NOL4: variants seen among roughly 807,000 people sequenced by gnomAD.
NOL4 encodes nucleolar protein 4.
NOL4 carries 17 observed loss-of-function variants against 75.9 expected under a neutral mutation model. That is an observed-to-expected ratio of 0.22 (90% confidence interval 0.15 to 0.34). The LOEUF is 0.34. Among genes scored for constraint, NOL4 ranks in the 10% least tolerant of loss-of-function variants. The pLI is 1.00. For missense variants in NOL4, 614 were observed against 793.5 expected (o/e 0.77, Z 2.72); for synonymous variants, 292 against 289.9 (o/e 1.01, Z -0.07).
chr18:33,951,771 G>A (rs1600015490), intron 8 of NOL4, among the ~76,000 whole-genome samples: 1 of 151,940 alleles, frequency 6.6e-6, no homozygotes, highest in Non-Finnish European at 1.5e-5. Context: ...TATAATGTCT[G>A]TCATTTTTAT....
chr18:34,196,339 G>A (rs553155368), intron 1 of NOL4, among the ~76,000 whole-genome samples: 1 of 152,230 alleles, frequency 6.6e-6, no homozygotes, highest in Admixed American at 6.5e-5. Flanking sequence ...GGTAACTGCT[G>A]ACAACATTAT....
At chr18:34,142,524 CT>C (rs2081214692) in intron 1 of NOL4, among the ~76,000 whole-genome samples, 1 of 152,144 alleles carries the variant, frequency 6.6e-6, no homozygotes, top group East Asian at 1.9e-4. Flanking sequence ...AGTTCATGTC[CT>C]TTGTAGGGAC....
chr18:34,087,993 CT>C (rs898145453), intron 5 of NOL4, among the ~76,000 whole-genome samples: 133 of 151,586 alleles, frequency 8.8e-4, no homozygotes, highest in Admixed American at 3.9e-3. Flanking sequence ...TTCCTATTAT[CT>C]TTTTTTAAAA....
chr18:33,856,877 G>C (rs766089437), intron 10 of NOL4, among the ~76,000 whole-genome samples: 19 of 151,978 alleles, frequency 1.3e-4, no homozygotes, highest in Non-Finnish European at 2.5e-4. Context: ...CTACTGAGGA[G>C]AGTAAAAAGC....
intron 8 of NOL4, among the ~76,000 whole-genome samples, chr18:33,950,452 T>C (rs1343285306): frequency 2.6e-5 from 4 of 152,086 alleles, no homozygotes; most frequent in Non-Finnish European, 5.9e-5. Flanking sequence ...AGCACATTAG[T>C]AAATATCCAT....
chr18:33,994,632 A>C (rs1243081790), intron 6 of NOL4, among the ~76,000 whole-genome samples: 1 of 151,680 alleles, frequency 6.6e-6, no homozygotes, highest in Non-Finnish European at 1.5e-5. Context: ...TGTGAGATGC[A>C]ACTAAAGCAG....
At chr18:33,892,449 A>T (rs2065148182) in intron 9 of NOL4, among the ~76,000 whole-genome samples, 1 of 151,982 alleles carries the variant, frequency 6.6e-6, no homozygotes. Context: ...AATAAATAAT[A>T]AATAAATAAA....
intron 1 of NOL4, among the ~76,000 whole-genome samples, chr18:34,139,828 T>G (rs927480717): frequency 3.2e-4 from 48 of 152,350 alleles, no homozygotes; most frequent in African/African-American, 1.1e-3. Context: ...TGCTATAAAC[T>G]TCCCTCTACA....
intron 2 of NOL4, among the ~76,000 whole-genome samples, chr18:34,116,563 T>A (rs1227709315): frequency 6.6e-5 from 10 of 152,188 alleles, no homozygotes; most frequent in African/African-American, 9.7e-5. Context: ...ATCTTGTAAA[T>A]TCAATAATAT....
chr18:33,968,906 C>T (rs1196938883), intron 6 of NOL4, among the ~76,000 whole-genome samples: 1 of 152,136 alleles, frequency 6.6e-6, no homozygotes, highest in East Asian at 1.9e-4. Context: ...GTAATATATT[C>T]TATTGAAAGA....
At chr18:33,961,398 T>G (rs1422315163) in intron 6 of NOL4, among the ~76,000 whole-genome samples, 1 of 151,960 alleles carries the variant, frequency 6.6e-6, no homozygotes, top group African/African-American at 2.4e-5. Context: ...GAAGGAAAAT[T>G]TGCCTATTCT....
At chr18:34,142,097 C>T (rs1184714998) in intron 1 of NOL4, among the ~76,000 whole-genome samples, 4 of 152,114 alleles carry the variant, frequency 2.6e-5, no homozygotes, top group South Asian at 2.1e-4. Context: ...TCATCACTGG[C>T]CATCAGAGAA....
chr18:34,179,404 C>A (rs1421315671), intron 1 of NOL4, among the ~76,000 whole-genome samples: 4 of 150,732 alleles, frequency 2.7e-5, no homozygotes, highest in Non-Finnish European at 5.9e-5. Context: ...AGAGAATAAT[C>A]AATAAGACCG....
intron 10 of NOL4, among the ~76,000 whole-genome samples, chr18:33,877,075 A>G (rs957649764): frequency 6.6e-6 from 1 of 152,072 alleles, no homozygotes; most frequent in African/African-American, 2.4e-5. Context: ...GCCCAAAGTC[A>G]TTGCTCAAAG....
At chr18:34,183,475 T>C (rs1395141796) in intron 1 of NOL4, 1 of 151,878 alleles carries the variant, frequency 6.6e-6, no homozygotes, top group Non-Finnish European at 1.5e-5. Context: ...TGAAAACAGT[T>C]TGGCAACTTG....
At chr18:34,090,506 A>G (rs1174441336) in intron 5 of NOL4, among the ~76,000 whole-genome samples, 1 of 152,112 alleles carries the variant, frequency 6.6e-6, no homozygotes, top group Non-Finnish European at 1.5e-5. Flanking sequence ...TCATCTAGAT[A>G]GAGATGTTAT....
chr18:33,992,260 C>T (rs974945268), intron 6 of NOL4, among the ~76,000 whole-genome samples: 2 of 151,958 alleles, frequency 1.3e-5, no homozygotes, highest in African/African-American at 4.8e-5. Context: ...GTAAGATATA[C>T]TGATACATTT....
At chr18:33,935,903 A>G (rs2068025978) in intron 9 of NOL4, among the ~76,000 whole-genome samples, 1 of 152,172 alleles carries the variant, frequency 6.6e-6, no homozygotes, top group Non-Finnish European at 1.5e-5. Context: ...TGCCAGGAGT[A>G]AAGTAAAAAG....
intron 6 of NOL4, among the ~76,000 whole-genome samples, chr18:33,997,689 A>G (rs1191442696): frequency 1.3e-5 from 2 of 148,506 alleles, no homozygotes; most frequent in East Asian, 3.9e-4. Flanking sequence ...TACTTTATAT[A>G]TAAATATATA....
Sources: allele counts gnomAD v4.1 joint callset (sites outside exome capture counted in the v4.1 genomes callset), GRCh38; gene constraint gnomAD v4.1.1; transcripts MANE v1.5; gene names NCBI Gene and HGNC (gene_info 2026-07-23, HGNC 2026-07-21).